Variants in SPG7 observed in about 807,000 individuals in gnomAD.
SPG7 encodes the protein mitochondrial inner membrane m-AAA protease component paraplegin.
In SPG7, 103 loss-of-function variants were observed where a neutral mutation model predicts 81.9. That is an observed-to-expected ratio of 1.26 (90% CI 1.07 to 1.48). The LOEUF (loss-of-function observed/expected upper bound fraction) is 1.48. Among genes scored for constraint, SPG7 ranks in the 40% most tolerant of loss-of-function variants. The pLI, the probability that SPG7 is intolerant of heterozygous loss-of-function variation, is 0.00. For synonymous variants in SPG7, 534 were observed against 444.2 expected, an observed-to-expected ratio of 1.20 and a Z score of -2.54; for missense variants, 1,241 against 1,087.3, an observed-to-expected ratio of 1.14 and a Z score of -1.99.
chr16:89,510,188 T>C (rs1383341492), intron 1 of SPG7, among the ~76,000 whole-genome samples: 1 of 151,336 alleles, frequency 6.6e-6, no homozygotes, highest in African/African-American at 2.4e-5. Context: ...TTGGCCAGGC[T>C]GGTCTCAAAC....
chr16:89,555,229 C>G (rs915191966), intron 16 of SPG7: 4 of 152,604 alleles, frequency 2.6e-5, no homozygotes, highest in Admixed American at 1.3e-4. Flanking sequence ...TACAGGCACG[C>G]GTCACCATGC....
chr16:89,553,189 A>G, intron 14 of SPG7, 54 bp downstream of exon 14: 1 of 1,526,216 alleles, frequency 6.6e-7, no homozygotes, highest in Admixed American at 1.9e-5. Flanking sequence ...TCCCTGCATG[A>G]CTCCTTCTGT....
At chr16:89,515,477 C>G (rs1049594392) in intron 3 of SPG7, among the ~76,000 whole-genome samples, 4 of 150,436 alleles carry the variant, frequency 2.7e-5, no homozygotes, top group African/African-American at 9.7e-5. Context: ...CCATGTTGGC[C>G]AGACTGGTCT....
chr16:89,543,349 T>TTTTTTTTTTTTTTC (rs2058523267), intron 9 of SPG7: 5 of 141,226 alleles, frequency 3.5e-5, no homozygotes, highest in African/African-American at 1.3e-4. Flanking sequence ...ACCTTTTCCT[T>TTTTTTTTTTTTTTC]TTTTTTTTTT....
chr16:89,544,541 C>T (rs1373117904), intron 9 of SPG7, 107 bp from the exon 10 acceptor site: 3 of 1,345,738 alleles, frequency 2.2e-6, no homozygotes, highest in African/African-American at 2.9e-5. Flanking sequence ...CTCTCTGGGC[C>T]TTAGGGGGGT....
At chr16:89,547,001 T>C in intron 11 of SPG7, 1 of 516,918 alleles carries the variant, frequency 1.9e-6, no homozygotes, top group South Asian at 2.0e-5. Context: ...CGGTCTGTGT[T>C]GTTTCCAGAG....
chr16:89,516,846 C>G (rs1379958908), intron 3 of SPG7: 1 of 145,942 alleles, frequency 6.9e-6, no homozygotes, highest in African/African-American at 2.5e-5. Context: ...GCCTGGGCGA[C>G]ACAGCAAGAC....
At chr16:89,556,767 T>C in intron 16 of SPG7, 120 bp from the exon 17 acceptor site, 1 of 797,594 alleles carries the variant, frequency 1.3e-6, no homozygotes, top group Non-Finnish European at 2.2e-6. Context: ...CCTGGGAAAG[T>C]GGCCTGTCCT....
chr16:89,526,415 C>T lies in SPG7; in HGVS notation c.705C>T (p.Ile235=), dbSNP rs115244515. The T allele has an allele frequency of 3.6e-5, 58 of 1,614,104 alleles. No homozygotes were observed. Among genetic ancestry groups the T allele is most frequent in the East Asian group, 4.5e-5 (2 of 44,886 alleles). Residue 235 remains isoleucine (I), a synonymous_variant, in exon 5 of 17, where the codon ATC becomes ATT. Transcript: ENST00000645818. ...GAGCAGCTGAAGATGAGCTGAATAT[C>T]GAGGCCAAGGACAGGATCCCAGTTT... is the stretch of plus-strand genomic sequence containing the variant. ...KLRAAEDELN[I]EAKDRIPVSY...
chr16:89,515,560 C>G (rs1357675890), intron 3 of SPG7, among the ~76,000 whole-genome samples: 1 of 151,110 alleles, frequency 6.6e-6, no homozygotes. Flanking sequence ...AGCCACCACG[C>G]CCGGCTGACC....
At chr16:89,534,637 C>T (rs1215335781) in intron 9 of SPG7, among the ~76,000 whole-genome samples, 1 of 152,218 alleles carries the variant, frequency 6.6e-6, no homozygotes, top group Non-Finnish European at 1.5e-5. Context: ...CATGCACAGC[C>T]CAGTTTTGAC....
intron 12 of SPG7, chr16:89,549,790 T>C (rs1425382207): frequency 6.1e-6 from 1 of 164,342 alleles, no homozygotes; most frequent in Admixed American, 5.6e-5. Context: ...AGAGGGAAAG[T>C]AAGCAGGAGG....
At position 89,553,018 on chromosome 16, in the gene SPG7, G is replaced by A; in HGVS notation, c.1819G>A (p.Ala607Thr). Residue 607 changes from alanine to threonine, a missense_variant, in exon 14 of 17, where the codon GCT (alanine) becomes ACT (threonine). By Grantham distance (58) the Ala-to-Thr change is moderately conservative. Coordinates refer to ENST00000645818, the MANE Select transcript of SPG7 (RefSeq NM_003119.4). ...TPRTNAALGFAQMLPRDQHLF... is the reference protein window; with the variant it reads ...TPRTNAALGFTQMLPRDQHLF... ...TCGGACAAACGCCGCCCTGGGCTTT[G>A]CTCAGATGCTCCCCAGAGACCAGCA... 1 of 1,613,970 alleles carries A rather than the reference G, an allele frequency of 6.2e-7. No homozygotes were observed. Among genetic ancestry groups the A allele is most frequent in the East Asian group, 2.2e-5 (1 of 44,884 alleles).
intron 4 of SPG7, among the ~76,000 whole-genome samples, chr16:89,525,901 G>C (rs555448549): frequency 6.6e-6 from 1 of 152,310 alleles, no homozygotes; most frequent in African/African-American, 2.4e-5. Context: ...GCACACATCA[G>C]ACGTGGGGCT....
intron 10 of SPG7, chr16:89,545,850 TAA>T: frequency 2.4e-6 from 1 of 412,242 alleles, no homozygotes; most frequent in Non-Finnish European, 4.8e-6. Context: ...TTTTTCTTTT[TAA>T]TTTTTCTTTC....
intron 16 of SPG7, chr16:89,555,757 G>C (rs941165918): frequency 5.0e-6 from 2 of 397,940 alleles, no homozygotes; most frequent in East Asian, 7.1e-5. Context: ...TTTGTCCCTG[G>C]GTTTGGTAAC....
At chr16:89,524,299 A>C (rs371966724) in intron 4 of SPG7, 52 bp downstream of exon 4, 1 of 1,571,594 alleles carries the variant, frequency 6.4e-7, no homozygotes, top group East Asian at 2.3e-5. Flanking sequence ...ACAGGCTGGC[A>C]GCCTGTGAGA....
chr16:89,549,930 T>G, intron 12 of SPG7: 1 of 187,044 alleles, frequency 5.3e-6, no homozygotes, highest in Non-Finnish European at 1.1e-5. Flanking sequence ...CCTCAGAGGG[T>G]TGCACTTGTT....
chr16:89,550,151 C>G (rs2058617221), intron 12 of SPG7: 1 of 356,420 alleles, frequency 2.8e-6, no homozygotes, highest in Non-Finnish European at 5.5e-6. Context: ...AGGCCGGGGT[C>G]TCAGCTCACC....
Sources: allele counts gnomAD v4.1 joint callset (sites outside exome capture counted in the v4.1 genomes callset), GRCh38; gene constraint gnomAD v4.1.1; transcripts MANE v1.5; gene names NCBI Gene and HGNC (gene_info 2026-07-23, HGNC 2026-07-21).